The following CDH12 variants were observed in gnomAD, a reference collection of about 807,000 sequenced individuals.
The protein encoded by CDH12 is cadherin-12.
Under a neutral mutation model 74.1 loss-of-function variants are expected in CDH12, and 41 were observed. That is an observed-to-expected ratio of 0.55 (90% CI 0.43 to 0.72). The LOEUF is 0.72. Ranked by LOEUF, CDH12 falls within the 30% of genes least tolerant of loss-of-function variation. CDH12 has a pLI of 0.00. For synonymous variants in CDH12, 399 were observed against 355.0 expected, an observed-to-expected ratio of 1.12 and a Z score of -1.39; for missense variants, 945 against 977.2, an observed-to-expected ratio of 0.97 and a Z score of 0.44.
intron 1 of CDH12, among the ~76,000 whole-genome samples, chr5:22,843,613 G>GGTGTGTGTGT (rs3050972): frequency 1.1e-3 from 166 of 147,890 alleles, no homozygotes; most frequent in African/African-American, 3.7e-3. Context: ...TAACATTTGT[G>GGTGTGTGTGT]GTGTGTGTGT....
intron 4 of CDH12, among the ~76,000 whole-genome samples, chr5:22,109,677 T>C (rs959466876): frequency 1.3e-5 from 2 of 152,170 alleles, no homozygotes; most frequent in African/African-American, 4.8e-5. Flanking sequence ...TGATTTTTGT[T>C]TGTATCTGTA....
At chr5:21,960,583 C>T (rs1561329832) in intron 6 of CDH12, among the ~76,000 whole-genome samples, 2 of 152,082 alleles carry the variant, frequency 1.3e-5, no homozygotes, top group African/African-American at 4.8e-5. Flanking sequence ...GGGATTATTT[C>T]TGGATTAAAA....
chr5:22,021,067 C>A (rs774520608), intron 5 of CDH12, among the ~76,000 whole-genome samples: 24 of 152,040 alleles, frequency 1.6e-4, no homozygotes, highest in Non-Finnish European at 3.4e-4. Flanking sequence ...TCACATTTGT[C>A]AAATTGGGGA....
chr5:22,458,331 C>T (rs1261250), intron 2 of CDH12, among the ~76,000 whole-genome samples: 71,726 of 151,854 alleles, frequency 0.47, 17,344 homozygotes, highest in Admixed American at 0.64. Context: ...AAGATACTAG[C>T]AATATTGGAT....
chr5:21,887,735 A>C (rs1400368465), intron 6 of CDH12, among the ~76,000 whole-genome samples: 1 of 152,132 alleles, frequency 6.6e-6, no homozygotes, highest in Non-Finnish European at 1.5e-5. Flanking sequence ...TGGCATCTAG[A>C]AATGAATTAT....
intron 6 of CDH12, among the ~76,000 whole-genome samples, chr5:21,867,127 G>T (rs908674374): frequency 6.6e-6 from 1 of 152,076 alleles, no homozygotes; most frequent in Non-Finnish European, 1.5e-5. Flanking sequence ...TGCCAAGAAG[G>T]GTGGATCACC....
intron 3 of CDH12, among the ~76,000 whole-genome samples, chr5:22,355,352 T>C (rs913284239): frequency 2.0e-5 from 3 of 151,918 alleles, no homozygotes; most frequent in African/African-American, 7.3e-5. Context: ...GAACCAAAAT[T>C]GTCAACTAGG....
At chr5:22,478,028 CATT>C (rs1257601192) in intron 2 of CDH12, among the ~76,000 whole-genome samples, 1 of 152,082 alleles carries the variant, frequency 6.6e-6, no homozygotes. Flanking sequence ...GGATTAGACT[CATT>C]ATATATTCCC....
chr5:22,092,830 C>T (rs147920093), intron 4 of CDH12, among the ~76,000 whole-genome samples: 15 of 152,036 alleles, frequency 9.9e-5, no homozygotes, highest in African/African-American at 2.2e-4. Context: ...TAATCATAGC[C>T]GAACAGTGGA....
intron 7 of CDH12, among the ~76,000 whole-genome samples, chr5:21,851,542 T>C (rs1027058062): frequency 6.6e-6 from 1 of 151,016 alleles, no homozygotes; most frequent in Non-Finnish European, 1.5e-5. Context: ...AACATAATTG[T>C]TTAATGTTTT....
intron 9 of CDH12, among the ~76,000 whole-genome samples, chr5:21,811,179 T>C (rs2149936655): frequency 6.6e-6 from 1 of 152,240 alleles, no homozygotes; most frequent in Admixed American, 6.6e-5. Flanking sequence ...TGGTAAGCAC[T>C]GTCTCTAATT....
At chr5:22,405,046 C>G (rs1742880784) in intron 3 of CDH12, among the ~76,000 whole-genome samples, 1 of 151,996 alleles carries the variant, frequency 6.6e-6, no homozygotes, top group African/African-American at 2.4e-5. Flanking sequence ...CCCATTTCTA[C>G]TATAAATACA....
chr5:21,957,127 A>G (rs1256040227), intron 6 of CDH12, among the ~76,000 whole-genome samples: 3 of 152,084 alleles, frequency 2.0e-5, no homozygotes, highest in Non-Finnish European at 2.9e-5. Flanking sequence ...ATGTGTTCTC[A>G]TAATTTAGTT....
At chr5:22,430,611 T>A (rs1580642019) in intron 2 of CDH12, among the ~76,000 whole-genome samples, 2 of 152,246 alleles carry the variant, frequency 1.3e-5, no homozygotes, top group South Asian at 2.1e-4. Flanking sequence ...TACATCCGCA[T>A]CTCCTCCTGT....
chr5:22,334,927 T>A (rs1739508743), intron 3 of CDH12, among the ~76,000 whole-genome samples: 1 of 152,122 alleles, frequency 6.6e-6, no homozygotes, highest in Non-Finnish European at 1.5e-5. Context: ...CTCCACAGCA[T>A]TTGTCTGGAC....
chr5:22,512,507 C>A (rs997797631), intron 1 of CDH12, among the ~76,000 whole-genome samples: 72 of 152,084 alleles, frequency 4.7e-4, no homozygotes, highest in African/African-American at 1.7e-3. Flanking sequence ...GTACAGTCTG[C>A]AAGAGCACAA....
At chr5:22,740,240 A>AT (rs1482033255) in intron 1 of CDH12, among the ~76,000 whole-genome samples, 1 of 152,150 alleles carries the variant, frequency 6.6e-6, no homozygotes, top group East Asian at 1.9e-4. Flanking sequence ...GTTTTATACC[A>AT]TTTACTTTAC....
intron 1 of CDH12, among the ~76,000 whole-genome samples, chr5:22,546,543 T>C (rs919192005): frequency 6.6e-6 from 1 of 152,208 alleles, no homozygotes; most frequent in Admixed American, 6.5e-5. Context: ...TGTGAGACCT[T>C]GATTTTACAT....
intron 3 of CDH12, among the ~76,000 whole-genome samples, chr5:22,369,430 A>G (rs1453289206): frequency 2.6e-5 from 4 of 152,184 alleles, no homozygotes; most frequent in Non-Finnish European, 4.4e-5. Context: ...GAAAACAGGC[A>G]TAAAAGTGTC....
Sources: allele counts gnomAD v4.1 joint callset (sites outside exome capture counted in the v4.1 genomes callset), GRCh38; gene constraint gnomAD v4.1.1; transcripts MANE v1.5; gene names NCBI Gene and HGNC (gene_info 2026-07-23, HGNC 2026-07-21).